Variants in CLINT1 observed in about 807,000 individuals in gnomAD.
CLINT1 encodes the protein clathrin interacting protein localized in the trans-Golgi region.
A neutral mutation model predicts 70.4 loss-of-function variants in CLINT1; 15 were observed. That is an observed-to-expected ratio of 0.21 (90% CI 0.14 to 0.33). The LOEUF is 0.33. CLINT1 is among the 10% of genes least tolerant of loss of function. The pLI, the probability that CLINT1 is intolerant of heterozygous loss-of-function variation, is 1.00. For synonymous variants in CLINT1, 227 were observed against 254.7 expected, an observed-to-expected ratio of 0.89 and a Z score of 1.04; for missense variants, 615 against 778.1, an observed-to-expected ratio of 0.79 and a Z score of 2.49.
chr5:157,858,904 G>T, intron 1 of CLINT1, 26 bp downstream of exon 1: 2 of 1,310,546 alleles, frequency 1.5e-6, no homozygotes, highest in Non-Finnish European at 2.1e-6. Context: ...CGTGGGCCTC[G>T]GCCACAACTG....
At chr5:157,799,484 T>C (rs1358765260) in intron 8 of CLINT1, among the ~76,000 whole-genome samples, 1 of 152,128 alleles carries the variant, frequency 6.6e-6, no homozygotes, top group African/African-American at 2.4e-5. Flanking sequence ...TCATTTAAGT[T>C]CTATCTGTAT....
At chr5:157,843,824 C>G (rs1561672537) in intron 1 of CLINT1, among the ~76,000 whole-genome samples, 1 of 152,150 alleles carries the variant, frequency 6.6e-6, no homozygotes, top group South Asian at 2.1e-4. Context: ...TATGAGACAT[C>G]CTGCACTGGC....
chr5:157,802,960 ATTTTC>A (rs1762273520), intron 8 of CLINT1, among the ~76,000 whole-genome samples: 2 of 152,184 alleles, frequency 1.3e-5, no homozygotes, highest in Non-Finnish European at 2.9e-5. Context: ...ATTAATGATT[ATTTTC>A]TCCACTTGAC....
intron 1 of CLINT1, among the ~76,000 whole-genome samples, chr5:157,852,689 G>A (rs572309745): frequency 3.3e-5 from 5 of 152,274 alleles, no homozygotes; most frequent in Admixed American, 6.5e-5. Flanking sequence ...TAAGATCACC[G>A]TTTCTAGTAG....
intron 1 of CLINT1, among the ~76,000 whole-genome samples, chr5:157,836,258 T>C (rs1763419585): frequency 2.0e-5 from 3 of 152,206 alleles, no homozygotes; most frequent in Non-Finnish European, 4.4e-5. Flanking sequence ...AACAACTCTA[T>C]GAGGCAGCTA....
intron 1 of CLINT1, among the ~76,000 whole-genome samples, chr5:157,838,762 TG>T (rs1371392690): frequency 1.3e-5 from 2 of 152,206 alleles, no homozygotes; most frequent in African/African-American, 4.8e-5. Context: ...ATATATTCTA[TG>T]GGAGCATGTT....
chr5:157,821,502 T>C (rs1323821460), intron 1 of CLINT1, among the ~76,000 whole-genome samples: 2 of 152,244 alleles, frequency 1.3e-5, no homozygotes, highest in African/African-American at 4.8e-5. Context: ...ATTTCTTCAC[T>C]AGTTTAAATA....
At chr5:157,822,225 T>A (rs571557338) in intron 1 of CLINT1, among the ~76,000 whole-genome samples, 11 of 152,116 alleles carry the variant, frequency 7.2e-5, no homozygotes, top group Admixed American at 2.6e-4. Flanking sequence ...TTTTTTTTTT[T>A]TATACTTTAA....
At chr5:157,840,807 T>A (rs531150065) in intron 1 of CLINT1, among the ~76,000 whole-genome samples, 1 of 152,012 alleles carries the variant, frequency 6.6e-6, no homozygotes, top group South Asian at 2.1e-4. Context: ...AAGGCTGAGA[T>A]AAGTGGATTG....
intron 1 of CLINT1, among the ~76,000 whole-genome samples, chr5:157,833,149 G>A (rs1034899727): frequency 1.3e-5 from 2 of 151,904 alleles, no homozygotes; most frequent in East Asian, 3.9e-4. Flanking sequence ...TCAGGAAATC[G>A]AGACCAGCCT....
chr5:157,837,943 C>T (rs1763484598), intron 1 of CLINT1, among the ~76,000 whole-genome samples: 1 of 152,038 alleles, frequency 6.6e-6, no homozygotes. Context: ...CCAGCCATCG[C>T]ACAAGCCACC....
intron 1 of CLINT1, among the ~76,000 whole-genome samples, chr5:157,830,516 TA>T (rs34342146): frequency 6.6e-6 from 1 of 152,064 alleles, no homozygotes; most frequent in Non-Finnish European, 1.5e-5. Context: ...TTCGTAAGAG[TA>T]AATGCTTCAC....
chr5:157,839,065 C>T (rs1437445642), intron 1 of CLINT1, among the ~76,000 whole-genome samples: 1 of 151,682 alleles, frequency 6.6e-6, no homozygotes, highest in Admixed American at 6.6e-5. Context: ...CCCATCTCTA[C>T]AAAAAGTACA....
intron 8 of CLINT1, among the ~76,000 whole-genome samples, chr5:157,797,681 T>C (rs573248236): frequency 1.3e-5 from 2 of 152,164 alleles, no homozygotes; most frequent in African/African-American, 4.8e-5. Context: ...CCACCGCCCC[T>C]GGTGGAGTTA....
intron 1 of CLINT1, among the ~76,000 whole-genome samples, chr5:157,845,785 A>C (rs902521195): frequency 1.3e-5 from 2 of 151,932 alleles, no homozygotes; most frequent in Non-Finnish European, 2.9e-5. Flanking sequence ...CGATCTCCTG[A>C]CCTCGTGATC....
chr5:157,790,466 G>C (rs573320464), intron 10 of CLINT1: 10 of 326,460 alleles, frequency 3.1e-5, no homozygotes, highest in African/African-American at 2.0e-4. Flanking sequence ...AAAAGGAACA[G>C]GAAGAGGAAG....
chr5:157,816,893 T>G (rs2113217026), intron 2 of CLINT1, 63 bp from the exon 3 acceptor site: 1 of 1,180,474 alleles, frequency 8.5e-7, no homozygotes, highest in East Asian at 2.4e-5. Context: ...GATGGCAGAC[T>G]TGTTCTAATT....
At chr5:157,806,994 AAG>A (rs937685179) in intron 6 of CLINT1, among the ~76,000 whole-genome samples, 1 of 146,852 alleles carries the variant, frequency 6.8e-6, no homozygotes, top group Admixed American at 6.8e-5. Flanking sequence ...GAGAGAGCGA[AAG>A]AGAGAGAAAG....
chr5:157,792,165 TAAC>T (rs1761935030), intron 9 of CLINT1, among the ~76,000 whole-genome samples, 170 bp from the exon 10 acceptor site: 1 of 152,050 alleles, frequency 6.6e-6, no homozygotes, highest in Non-Finnish European at 1.5e-5. Flanking sequence ...ACACGAGAGT[TAAC>T]AAGGTGGCAA....
Sources: allele counts gnomAD v4.1 joint callset (sites outside exome capture counted in the v4.1 genomes callset), GRCh38; gene constraint gnomAD v4.1.1; transcripts MANE v1.5; gene names NCBI Gene and HGNC (gene_info 2026-07-23, HGNC 2026-07-21).